Variants in SLC22A15 observed in about 807,000 individuals in gnomAD.
SLC22A15 encodes the protein solute carrier family 22 member 15.
In SLC22A15, 45 loss-of-function variants were observed where a neutral mutation model predicts 62.7. The observed-to-expected ratio is 0.72, with a 90% CI of 0.56 to 0.92. SLC22A15 has a LOEUF of 0.92. Among genes scored for constraint, SLC22A15 ranks in the 40% least tolerant of loss-of-function variants. The probability of loss-of-function intolerance (pLI) is 0.00; values close to 1 mark genes in which losing one functional copy is unlikely to be tolerated. For missense variants in SLC22A15, 622 were observed against 665.6 expected (o/e 0.93, Z 0.72); for synonymous variants, 264 against 267.0 (o/e 0.99, Z 0.11).
At chr1:115,981,234 G>A (rs1169368793) in intron 1 of SLC22A15, among the ~76,000 whole-genome samples, 1 of 152,176 alleles carries the variant, frequency 6.6e-6, no homozygotes, top group Non-Finnish European at 1.5e-5. Flanking sequence ...AAGACTAACT[G>A]TCATCCCCAG....
At position 116,067,985 on chromosome 1, in the gene SLC22A15, A is replaced by G. The variant is rs1324081469; in HGVS notation, c.*877A>G. The G allele has an allele frequency of 6.6e-6, 1 of 152,290 alleles. No homozygotes were observed. The highest frequency in any genetic ancestry group is 1.9e-4 in the East Asian group (1 of 5,196). The allele number at this position is 152,290 out of a possible 1,614,324, so 9.4% of individuals were successfully genotyped here. On this transcript the variant is annotated 3_prime_UTR_variant, in exon 12 of 12. Coordinates refer to ENST00000369503, the MANE Select transcript of SLC22A15 (RefSeq NM_018420.3). ...CATGTTGAGCACCTGGAGGAAAAAA[A>G]AGGTGCAGTTTTTAATAAGAGAGAA...
intron 6 of SLC22A15, chr1:116,032,735 C>T: frequency 1.5e-6 from 1 of 671,626 alleles, no homozygotes; most frequent in Non-Finnish European, 1.8e-6. Flanking sequence ...GAAAGCCAAA[C>T]CTGACAACAC....
rs553503175 is a variant in SLC22A15 at position 116,027,002 on chromosome 1, G to A, written c.708G>A (p.Thr236=). ...CCATTCTGGTTAACCTGCAGGGAAC[G>A]GTGGTCTTTCTCTTATCTTTGTAAG... The part of the protein sequence containing the change: ...TLAILVNLQG[T]VVFLLSLFIP... Residue 236 remains threonine (T), a synonymous_variant, in exon 5 of 12, where the codon ACG becomes ACA. Transcript: ENST00000369503. 11 of 1,613,696 alleles carry A rather than the reference G, an allele frequency of 6.8e-6. No homozygotes were observed. Among genetic ancestry groups the A allele is most frequent in the South Asian group, 5.5e-5 (5 of 91,044 alleles).
At chr1:116,042,678 G>A (rs753656277) in intron 8 of SLC22A15, among the ~76,000 whole-genome samples, 36 of 152,162 alleles carry the variant, frequency 2.4e-4, no homozygotes, top group Non-Finnish European at 3.8e-4. Flanking sequence ...GTGTATACTT[G>A]TAATAAATTT....
chr1:116,061,788 A>G (rs1658385978), intron 8 of SLC22A15, among the ~76,000 whole-genome samples: 1 of 152,230 alleles, frequency 6.6e-6, no homozygotes, highest in African/African-American at 2.4e-5. Context: ...AAATGAACTG[A>G]CATAAAATAT....
In SLC22A15 at chr1:116,021,031, G is replaced by A; in HGVS notation, c.598+146G>A. Reference sequence around the variant, plus strand: ...AGATTTGCTTTTCTGATTTGGTTCTGTATGACCCTGAACAAGTCATTTTAT... The same window carrying A: ...AGATTTGCTTTTCTGATTTGGTTCTATATGACCCTGAACAAGTCATTTTAT... On this transcript the variant is annotated intron_variant, in intron 4 of 11. Coordinates refer to ENST00000369503, the MANE Select transcript of SLC22A15 (RefSeq NM_018420.3). The A allele has an allele frequency of 7.1e-6, 5 of 705,478 alleles. No individual in the cohort carries two copies. In the South Asian group the frequency reaches 9.8e-5, roughly 14 times the overall value. The allele number at this position is 705,478 out of a possible 1,614,324, so 43.7% of individuals were successfully genotyped here.
At chr1:116,027,453 A>G (rs1363097535) in intron 5 of SLC22A15, 3 of 474,420 alleles carry the variant, frequency 6.3e-6, no homozygotes, top group Admixed American at 4.1e-5. Flanking sequence ...GCCTCTAAAC[A>G]TTGACTCTGG....
Position 116,054,931 on chromosome 1 carries a change from A to G in SLC22A15, c.1172-7831A>G, listed in dbSNP as rs533058302. ...TGTGTAGAGGGAAATTTATAGCACT[A>G]AATGCCCACGAGAGAAAGCAGGAAA... On this transcript the variant is annotated intron_variant, in intron 8 of 11. Coordinates refer to ENST00000369503, the MANE Select transcript of SLC22A15 (RefSeq NM_018420.3). Among the ~76,000 whole-genome samples, 3 of 152,134 alleles carry G rather than the reference A, an allele frequency of 2.0e-5. No homozygotes were observed. In the East Asian group the frequency reaches 5.8e-4, roughly 29 times the overall value.
At position 115,993,428 on chromosome 1, in the gene SLC22A15, A is replaced by AGAGTGTGTGTGTGTGT. The variant is rs1406043731; in HGVS notation, c.300+1186_300+1187insAGTGTGTGTGTGTGTG. On this transcript the variant is annotated intron_variant, in intron 2 of 11. Transcript: ENST00000369503. ...TCTCCTGTGTGTGTGAGTGTGTGAG[A>AGAGTGTGTGTGTGTGT]GTGTGTGTGTGTGTGTGTGTGTGTG... Among the ~76,000 whole-genome samples, 4 of 143,566 alleles carry AGAGTGTGTGTGTGTGT rather than the reference A, an allele frequency of 2.8e-5. No individual in the cohort carries two copies. The East Asian group carries it at 6.2e-4, about 22-fold the overall frequency. The allele number at this position is 143,566 out of a possible 152,430, so 94.2% of individuals were successfully genotyped here.
chr1:116,023,521 T>C (rs1003054088), intron 4 of SLC22A15, among the ~76,000 whole-genome samples: 8 of 152,212 alleles, frequency 5.3e-5, no homozygotes, highest in Admixed American at 1.3e-4. Context: ...TTCCTTTGCA[T>C]GTCTATTCCA....
chr1:116,056,120 C>G (rs1193028567), intron 8 of SLC22A15, among the ~76,000 whole-genome samples: 2 of 151,338 alleles, frequency 1.3e-5, no homozygotes, highest in Admixed American at 6.6e-5. Flanking sequence ...CAAATTGTCC[C>G]TGTTTGCAGA....
chr1:116,067,067 G>A lies in SLC22A15; in HGVS notation c.1603G>A (p.Glu535Lys), dbSNP rs370821644. The change falls in exon 12 of 12, where the codon GAA becomes AAA. Residue 535 changes from glutamate (E) to lysine (K), a missense_variant. Transcript: ENST00000369503. The part of the protein sequence containing the change: ...SLGSESEEEE[E>K]FYDADEETQM... The stretch of plus-strand genomic sequence containing the variant: ...AGGGAGTGAGAGTGAGGAAGAGGAA[G>A]AATTTTATGATGCAGATGAAGAGAC... 35 of 1,612,600 alleles carry A rather than the reference G, an allele frequency of 2.2e-5. No homozygotes were observed. Among genetic ancestry groups the A allele is most frequent in the Non-Finnish European group, 2.7e-5 (32 of 1,179,500 alleles).
intron 1 of SLC22A15, among the ~76,000 whole-genome samples, chr1:115,979,774 C>A (rs1654523940): frequency 1.3e-5 from 2 of 152,068 alleles, no homozygotes; most frequent in Admixed American, 1.3e-4. Context: ...ATGGACGTTA[C>A]TTCTTTGTTC....
intron 2 of SLC22A15, among the ~76,000 whole-genome samples, chr1:116,009,925 T>A (rs767071447): frequency 6.6e-6 from 1 of 152,230 alleles, no homozygotes; most frequent in Non-Finnish European, 1.5e-5. Context: ...TTAAAGATAC[T>A]GTGTTAAAAA....
At chr1:116,010,842 T>C (rs1309324173) in intron 2 of SLC22A15, among the ~76,000 whole-genome samples, 2 of 152,152 alleles carry the variant, frequency 1.3e-5, no homozygotes, top group Non-Finnish European at 2.9e-5. Context: ...GGAGTCTGGG[T>C]AGGGCTGTGG....
At chr1:115,997,850 A>C (rs1655503705) in intron 2 of SLC22A15, among the ~76,000 whole-genome samples, 2 of 152,126 alleles carry the variant, frequency 1.3e-5, no homozygotes, top group Admixed American at 1.3e-4. Context: ...GGGTGAAAAT[A>C]GACATCCTTG....
chr1:116,058,223 C>G (rs552736281), intron 8 of SLC22A15, among the ~76,000 whole-genome samples: 2 of 152,074 alleles, frequency 1.3e-5, no homozygotes, highest in African/African-American at 4.8e-5. Flanking sequence ...GTACATCTGA[C>G]AAAGGACTAA....
At chr1:116,024,828 T>C (rs1414225601) in intron 4 of SLC22A15, among the ~76,000 whole-genome samples, 2 of 152,114 alleles carry the variant, frequency 1.3e-5, no homozygotes, top group Non-Finnish European at 1.5e-5. Flanking sequence ...GCTCAGCTGA[T>C]TGGGGTCACC....
At chr1:115,992,916 C>T (rs1402834055) in intron 2 of SLC22A15, among the ~76,000 whole-genome samples, 13 of 152,052 alleles carry the variant, frequency 8.5e-5, no homozygotes, top group Non-Finnish European at 8.8e-5. Context: ...TGAGCCACCG[C>T]GCCTGGCCTA....
Sources: gnomAD v4.1 joint callset for allele counts (sites outside exome capture counted in the v4.1 genomes callset) on GRCh38, gnomAD v4.1.1 for gene constraint, MANE v1.5 for transcripts, NCBI Gene and HGNC (gene_info 2026-07-23, HGNC 2026-07-21) for gene names.